The following RGS6 variants were observed in gnomAD, a reference collection of about 807,000 sequenced individuals.
RGS6 encodes the protein regulator of G-protein signaling 6.
Under a neutral mutation model 78.5 loss-of-function variants are expected in RGS6, and 30 were observed. The observed-to-expected ratio is 0.38, with a 90% CI of 0.29 to 0.52. The LOEUF (loss-of-function observed/expected upper bound fraction) is 0.52, where lower values mean the gene tolerates loss of function less well. Among genes scored for constraint, RGS6 ranks in the 20% least tolerant of loss-of-function variants. The probability of loss-of-function intolerance (pLI) is 0.85; values close to 1 mark genes in which losing one functional copy is unlikely to be tolerated. For synonymous variants in RGS6, 206 were observed against 206.0 expected (o/e 1.00, Z 0.00); for missense variants, 495 against 609.7 (o/e 0.81, Z 1.98).
At chr14:72,308,112 A>G (rs1329579629) in intron 2 of RGS6, among the ~76,000 whole-genome samples, 1 of 152,216 alleles carries the variant, frequency 6.6e-6, no homozygotes, top group Non-Finnish European at 1.5e-5. Flanking sequence ...ATCTTTAAAT[A>G]TGATGATTTT....
chr14:72,535,247 G>C (rs904842484), intron 15 of RGS6, among the ~76,000 whole-genome samples: 3 of 152,192 alleles, frequency 2.0e-5, no homozygotes, highest in African/African-American at 7.2e-5. Context: ...GAGGAAAAGA[G>C]GCGGCACCTT....
At chr14:71,882,984 G>T in the RGS6 span, among the ~76,000 whole-genome samples, 1 of 152,150 alleles carries the variant, frequency 6.6e-6, no homozygotes, top group African/African-American at 2.4e-5. Context: ...TTCCTCCTGT[G>T]CCAGGCTTTT....
At chr14:72,221,747 G>C (rs74538900) in intron 2 of RGS6, among the ~76,000 whole-genome samples, 1 of 152,232 alleles carries the variant, frequency 6.6e-6, no homozygotes, top group Non-Finnish European at 1.5e-5. Context: ...GAAAATTCTT[G>C]AGTTTCACTG....
chr14:72,576,317 TG>T, the RGS6 span, among the ~76,000 whole-genome samples: 4 of 152,152 alleles, frequency 2.6e-5, no homozygotes, highest in African/African-American at 9.7e-5. Flanking sequence ...AAAACAAGAT[TG>T]TATTTTTCTC....
At chr14:72,457,263 C>A (rs1428872324) in intron 4 of RGS6, among the ~76,000 whole-genome samples, 2 of 152,106 alleles carry the variant, frequency 1.3e-5, no homozygotes, top group East Asian at 1.9e-4. Flanking sequence ...GCAAGTAAAG[C>A]CAAAACAAAC....
rs535613367 is a variant in RGS6 at position 72,466,418 on chromosome 14, C to G, written c.459+596C>G. On this transcript the variant is annotated intron_variant, in intron 7 of 17. Transcript: ENST00000553525. The stretch of plus-strand genomic sequence containing the variant: ...AGAGAAATCAGAACTCATGTTCACA[C>G]AAACACCTATAAACTAATGTTCATA... 4.6e-5 allele frequency among the ~76,000 whole-genome samples: 7 copies of G among 152,342 alleles called. No homozygotes were observed. In the South Asian group the frequency reaches 1.4e-3, roughly 32 times the overall value.
intron 2 of RGS6, among the ~76,000 whole-genome samples, chr14:72,196,085 G>A (rs570146612): frequency 6.6e-6 from 1 of 152,144 alleles, no homozygotes; most frequent in Non-Finnish European, 1.5e-5. Context: ...TGAAATGGGG[G>A]AGGGGGAGAC....
At chr14:72,491,025 T>C (rs2096571126) in intron 12 of RGS6, among the ~76,000 whole-genome samples, 1 of 152,174 alleles carries the variant, frequency 6.6e-6, no homozygotes, top group African/African-American at 2.4e-5. Context: ...TGGATCACAC[T>C]TCCAGTAGCA....
At chr14:71,988,524 C>T (rs1475540979) in intron 2 of RGS6, among the ~76,000 whole-genome samples, 1 of 152,052 alleles carries the variant, frequency 6.6e-6, no homozygotes, top group African/African-American at 2.4e-5. Context: ...TTTATTGAAA[C>T]ACAGCCACAT....
At chr14:72,148,008 G>A (rs1314384127) in intron 2 of RGS6, among the ~76,000 whole-genome samples, 1 of 151,908 alleles carries the variant, frequency 6.6e-6, no homozygotes, top group African/African-American at 2.4e-5. Flanking sequence ...GCAGGCGTCT[G>A]TAGTCCCAGC....
chr14:72,058,877 A>G (rs1481956581), intron 2 of RGS6, among the ~76,000 whole-genome samples: 1 of 152,182 alleles, frequency 6.6e-6, no homozygotes, highest in African/African-American at 2.4e-5. Flanking sequence ...GTTAATTTAT[A>G]TCAGCCACTT....
chr14:72,043,610 A>T (rs1364269991), intron 2 of RGS6, among the ~76,000 whole-genome samples: 1 of 152,120 alleles, frequency 6.6e-6, no homozygotes, highest in Non-Finnish European at 1.5e-5. Context: ...TGCAACTTTC[A>T]TCCTCTATAG....
At chr14:72,025,734 A>G (rs1469208716) in intron 2 of RGS6, among the ~76,000 whole-genome samples, 2 of 152,178 alleles carry the variant, frequency 1.3e-5, no homozygotes, top group Admixed American at 6.5e-5. Flanking sequence ...ACATTATTTC[A>G]GTAATCCTCA....
intron 2 of RGS6, among the ~76,000 whole-genome samples, chr14:72,326,837 C>G (rs575624919): frequency 3.9e-5 from 6 of 152,116 alleles, no homozygotes; most frequent in African/African-American, 1.2e-4. Flanking sequence ...CCTGCCGAGT[C>G]GCTGGGACTA....
chr14:72,321,838 C>G (rs2152518356), intron 2 of RGS6, among the ~76,000 whole-genome samples: 1 of 152,046 alleles, frequency 6.6e-6, no homozygotes, highest in East Asian at 1.9e-4. Flanking sequence ...CAATCTATCC[C>G]TGAAAACTAA....
At chr14:72,142,058 G>C (rs2096547551) in intron 2 of RGS6, among the ~76,000 whole-genome samples, 2 of 152,064 alleles carry the variant, frequency 1.3e-5, no homozygotes, top group Non-Finnish European at 2.9e-5. Context: ...AGGACCTTCT[G>C]AGAGAGAAAA....
At chr14:72,117,299 G>A (rs887615284) in intron 2 of RGS6, among the ~76,000 whole-genome samples, 2 of 152,096 alleles carry the variant, frequency 1.3e-5, no homozygotes, top group African/African-American at 4.8e-5. Flanking sequence ...TGGATCATGA[G>A]AGGAGATCCC....
At chr14:72,291,543 C>T (rs1230194721) in intron 2 of RGS6, among the ~76,000 whole-genome samples, 2 of 152,218 alleles carry the variant, frequency 1.3e-5, no homozygotes, top group Admixed American at 6.5e-5. Context: ...TCTTATTCAT[C>T]TCTGTAACCT....
chr14:72,334,591 T>G (rs2075691234), intron 2 of RGS6, among the ~76,000 whole-genome samples: 2 of 152,206 alleles, frequency 1.3e-5, no homozygotes, highest in Non-Finnish European at 1.5e-5. Flanking sequence ...ATGAGGGATG[T>G]CCGCCTGAAA....
Sources: allele counts gnomAD v4.1 joint callset (sites outside exome capture counted in the v4.1 genomes callset), GRCh38; gene constraint gnomAD v4.1.1; transcripts MANE v1.5; gene names NCBI Gene and HGNC (gene_info 2026-07-23, HGNC 2026-07-21).